EFEMP1: variants seen among roughly 807,000 people sequenced by gnomAD.
EFEMP1 encodes EGF-containing fibulin-like extracellular matrix protein 1.
A neutral mutation model predicts 65.7 loss-of-function variants in EFEMP1; 18 were observed. The observed-to-expected ratio is 0.27, with a 90% CI of 0.19 to 0.41. EFEMP1 has a LOEUF of 0.41. Among genes scored for constraint, EFEMP1 ranks in the 10% least tolerant of loss-of-function variants. The pLI is 1.00. For synonymous variants in EFEMP1, 237 were observed against 219.7 expected (o/e 1.08, Z -0.70); for missense variants, 469 against 624.8 (o/e 0.75, Z 2.66).
At chr2:55,906,253 CT>C (rs1287104942) in intron 5 of EFEMP1, among the ~76,000 whole-genome samples, 5 of 144,862 alleles carry the variant, frequency 3.5e-5, no homozygotes, top group Non-Finnish European at 7.5e-5. Context: ...TAGACGGAGT[CT>C]CGTTCTGTCA....
In EFEMP1 at chr2:55,923,403, G is replaced by A. The variant is rs933825884; in HGVS notation, c.-49+308C>T. Among the ~76,000 whole-genome samples, 4 of 152,110 alleles carry A rather than the reference G, an allele frequency of 2.6e-5. No homozygotes were observed. The highest frequency in any genetic ancestry group is 5.9e-5 in the Non-Finnish European group (4 of 68,018). On this transcript the variant is annotated intron_variant, in intron 1 of 11. Transcript: ENST00000355426. This position sits in a 1 kb window ranked among gnomAD's most constrained non-coding sequence, Gnocchi z 5.3. ...ACCAGCTCCTATGGAATCCAGGTGC[G>A]GCTTAAATCTCGCACACTGGTCCCC...
chr2:55,909,455 ACT>A (rs1195475031), intron 5 of EFEMP1, among the ~76,000 whole-genome samples: 1 of 152,164 alleles, frequency 6.6e-6, no homozygotes, highest in African/African-American at 2.4e-5. Context: ...TCAGAAACAC[ACT>A]GTTTCTGGGG....
rs754122695 is a variant in EFEMP1, at chr2:55,919,862, A to G, written c.82-1595T>C. ...CTTTAACATCAGTGCTGAATGCTCC[A>G]CTTATTTTCCTTCCATCTCTGCTGA... On this transcript the variant is annotated intron_variant, in intron 3 of 11. Coordinates refer to ENST00000355426, the MANE Select transcript of EFEMP1 (RefSeq NM_001039348.3). The surrounding 1 kb of genome is among the most constrained non-coding windows in gnomAD (Gnocchi z 4.5). 6.6e-6 allele frequency among the ~76,000 whole-genome samples: 1 copy of G among 152,160 alleles called. No individual in the cohort carries two copies. The highest frequency in any genetic ancestry group is 2.4e-5 in the African/African-American group (1 of 41,444).
intron 6 of EFEMP1, among the ~76,000 whole-genome samples, chr2:55,880,823 C>T (rs1217124133): frequency 2.0e-5 from 3 of 152,180 alleles, no homozygotes; most frequent in African/African-American, 7.2e-5. Context: ...CTTTGATCTT[C>T]CATTCACTCA....
At chr2:55,915,863 C>A (rs2868435) in intron 5 of EFEMP1, among the ~76,000 whole-genome samples, 33,480 of 151,838 alleles carry the variant, frequency 0.22, 4,114 homozygotes, top group African/African-American at 0.32. Context: ...TAAGAATAAC[C>A]TCATCATTTT....
chr2:55,906,054 A>G (rs759407991), intron 5 of EFEMP1, among the ~76,000 whole-genome samples: 4 of 152,110 alleles, frequency 2.6e-5, no homozygotes, highest in African/African-American at 9.7e-5. Flanking sequence ...CTGTTCACTA[A>G]TCTTTCCTGT....
In EFEMP1 at chr2:55,866,839, G is replaced by A; in HGVS notation, c.*234C>T. ...CAGATAGTGTATACTTAGCTCTCTT[G>A]AAGAAGACCAGTTTAGTGGATTAAT... On this transcript the variant is annotated 3_prime_UTR_variant, in exon 12 of 12. Coordinates refer to ENST00000355426, the MANE Select transcript of EFEMP1 (RefSeq NM_001039348.3). 4.0e-6 allele frequency: 2 copies of A among 503,894 alleles called. No individual in the cohort carries two copies. Among genetic ancestry groups the A allele is most frequent in the Non-Finnish European group, 7.1e-6 (2 of 283,344 alleles). The allele number at this position is 503,894 out of a possible 1,614,324, so 31.2% of individuals were successfully genotyped here.
intron 5 of EFEMP1, among the ~76,000 whole-genome samples, chr2:55,906,387 C>A (rs1670277374): frequency 6.6e-6 from 1 of 152,100 alleles, no homozygotes; most frequent in African/African-American, 2.4e-5. Flanking sequence ...TCACGCCCAG[C>A]TAATTTTTGT....
intron 11 of EFEMP1, among the ~76,000 whole-genome samples, chr2:55,868,870 T>G (rs1276237546): frequency 6.6e-6 from 1 of 152,204 alleles, no homozygotes; most frequent in African/African-American, 2.4e-5. Flanking sequence ...CTGCTGTTGA[T>G]TTTCATGCGT....
chr2:55,870,177 C>T lies in EFEMP1; in HGVS notation c.1320+543G>A, dbSNP rs1282008239. 6.6e-6 allele frequency among the ~76,000 whole-genome samples: 1 copy of T among 152,032 alleles called. No homozygotes were observed. The highest frequency in any genetic ancestry group is 2.4e-5 in the African/African-American group (1 of 41,380). On this transcript the variant is annotated intron_variant, in intron 11 of 11. Transcript: ENST00000355426. The surrounding 1 kb of genome is among the most constrained non-coding windows in gnomAD (Gnocchi z 5.8). ...TGTGCGGGGAGGTGGGGTCACTTCT[C>T]ACATACTTATAGGTTTTAGTTTCGG...
At position 55,920,160 on chromosome 2, in the gene EFEMP1, ACT is replaced by A. The variant is rs1156258743; in HGVS notation, c.82-1895_82-1894del. Among the ~76,000 whole-genome samples the A allele has an allele frequency of 3.3e-5, 5 of 152,164 alleles. No individual in the cohort carries two copies. The East Asian group carries it at 7.7e-4, about 24-fold the overall frequency. ...TTCAGCTCTAGCTTTTGATTATGCCACTCTCTGACTCAGGTGCCTCTTCAGCC... is the reference window on the plus strand; with the variant it reads ...TTCAGCTCTAGCTTTTGATTATGCCACTCTGACTCAGGTGCCTCTTCAGCC... On this transcript the variant is annotated intron_variant, in intron 3 of 11. Transcript: ENST00000355426.
chr2:55,894,816 A>G (rs537524102), intron 5 of EFEMP1, among the ~76,000 whole-genome samples: 5 of 152,358 alleles, frequency 3.3e-5, no homozygotes, highest in African/African-American at 1.2e-4. Flanking sequence ...AGGAAAAATG[A>G]AAGAACTTAA....
intron 11 of EFEMP1, among the ~76,000 whole-genome samples, chr2:55,868,279 T>C (rs917447426): frequency 6.6e-6 from 1 of 152,198 alleles, no homozygotes; most frequent in African/African-American, 2.4e-5. Context: ...TAGCATCTGC[T>C]ATGTGCCAGG....
intron 5 of EFEMP1, among the ~76,000 whole-genome samples, chr2:55,915,263 T>G (rs1264518070): frequency 6.6e-6 from 1 of 152,098 alleles, no homozygotes; most frequent in African/African-American, 2.4e-5. Context: ...TCAATTTGGG[T>G]TGGAAATAAC....
At position 55,866,998 on chromosome 2, in the gene EFEMP1, A is replaced by G; in HGVS notation, c.*75T>C. On this transcript the variant is annotated 3_prime_UTR_variant, in exon 12 of 12. Transcript: ENST00000355426. ...AGATGTAGATGCACTAGATATATCTATAAATAAAATAGTGCTTTAAGGTAA... is the reference window on the plus strand; with the variant it reads ...AGATGTAGATGCACTAGATATATCTGTAAATAAAATAGTGCTTTAAGGTAA... 1 of 1,567,406 alleles carries G rather than the reference A, an allele frequency of 6.4e-7. No homozygotes were observed. Among genetic ancestry groups the G allele is most frequent in the South Asian group, 1.1e-5 (1 of 89,748 alleles).
At chr2:55,890,928 T>G (rs1042341625) in intron 5 of EFEMP1, among the ~76,000 whole-genome samples, 6 of 151,988 alleles carry the variant, frequency 3.9e-5, no homozygotes, top group African/African-American at 7.2e-5. Context: ...AAAGGGAGCT[T>G]AGGGAAGGAG....
rs1017525401 is a variant in EFEMP1 at position 55,917,206 on chromosome 2, CTT to C, written c.517+457_517+458del. Among the ~76,000 whole-genome samples, 3 of 152,170 alleles carry C rather than the reference CTT, an allele frequency of 2.0e-5. No homozygotes were observed. Among genetic ancestry groups the C allele is most frequent in the African/African-American group, 7.2e-5 (3 of 41,450 alleles). Reference sequence around the variant, plus strand: ...TTCCCAGTGAATAACCTGATGGTGACTTTTGCCAGCTGTGACTTTGGCACCCG... The same window carrying C: ...TTCCCAGTGAATAACCTGATGGTGACTTGCCAGCTGTGACTTTGGCACCCG... On this transcript the variant is annotated intron_variant, in intron 5 of 11. Coordinates refer to ENST00000355426, the MANE Select transcript of EFEMP1 (RefSeq NM_001039348.3). This position sits in a 1 kb window ranked among gnomAD's most constrained non-coding sequence, Gnocchi z 6.3.
intron 5 of EFEMP1, among the ~76,000 whole-genome samples, chr2:55,902,619 A>G (rs1418115577): frequency 6.6e-6 from 1 of 152,240 alleles, no homozygotes; most frequent in Admixed American, 6.5e-5. Context: ...GCAGTGATCT[A>G]GCTTTTAAAG....
At chr2:55,907,916 A>G (rs1017814303) in intron 5 of EFEMP1, among the ~76,000 whole-genome samples, 5 of 152,242 alleles carry the variant, frequency 3.3e-5, no homozygotes, top group Non-Finnish European at 5.9e-5. Context: ...CTAGGCACAC[A>G]TAAAAGCACA....
Sources: gnomAD v4.1 joint callset for allele counts (sites outside exome capture counted in the v4.1 genomes callset) on GRCh38, gnomAD v4.1.1 for gene constraint, Gnocchi (gnomAD v3.1) non-coding constraint, MANE v1.5 for transcripts, NCBI Gene and HGNC (gene_info 2026-07-23, HGNC 2026-07-21) for gene names.